PCDHA7: variants seen among roughly 807,000 people sequenced by gnomAD.
PCDHA7 encodes the protein protocadherin alpha-7.
In PCDHA7, 37 loss-of-function variants were observed where a neutral mutation model predicts 57.2. The observed-to-expected ratio is 0.65, with a 90% CI of 0.50 to 0.85. PCDHA7 has a LOEUF of 0.85. PCDHA7 is among the 40% of genes least tolerant of loss of function. PCDHA7 has a pLI of 0.00. For missense variants in PCDHA7, 1,188 were observed against 1,241.8 expected, an observed-to-expected ratio of 0.96 and a Z score of 0.65; for synonymous variants, 553 against 558.8, an observed-to-expected ratio of 0.99 and a Z score of 0.15.
At chr5:140,848,341 T>C (rs1175376105) in intron 1 of PCDHA7, 6 of 896,220 alleles carry the variant, frequency 6.7e-6, no homozygotes, top group Non-Finnish European at 1.0e-5. Context: ...TCCAGACAAA[T>C]ACAGCCCTTT....
chr5:140,917,710 G>T (rs2078316558), intron 1 of PCDHA7, among the ~76,000 whole-genome samples: 3 of 152,132 alleles, frequency 2.0e-5, no homozygotes. Flanking sequence ...TTGTAGGTGT[G>T]CAGCTTTATT....
In PCDHA7 at chr5:140,883,112, A is replaced by G. The variant is rs141106500; in HGVS notation, c.2355+46374A>G. 408 of 1,614,156 alleles carry G rather than the reference A, an allele frequency of 2.5e-4. 3 individuals are homozygous for G. In the African/African-American group the frequency reaches 5.1e-3, roughly 20 times the overall value. ...AAATGGAGATATAGTTTACTCATTTAGAAGGCCTGTATGGCCTGCAGTGGT... is the reference window on the plus strand; with the variant it reads ...AAATGGAGATATAGTTTACTCATTTGGAAGGCCTGTATGGCCTGCAGTGGT... On this transcript the variant is annotated intron_variant, in intron 1 of 3. Coordinates refer to ENST00000525929, the MANE Select transcript of PCDHA7 (RefSeq NM_018910.3).
rs372608018 is a variant in PCDHA7, at chr5:140,875,736, T to C, written c.2355+38998T>C. The C allele has an allele frequency of 2.5e-6, 4 of 1,614,088 alleles. No homozygotes were observed. The African/African-American group carries it at 4.0e-5, about 16-fold the overall frequency. ...AGAATGGCATTTTGTTTGTGAATTCTCGGATCGACCGCGAGAAGCTGTGCG... is the reference window on the plus strand; with the variant it reads ...AGAATGGCATTTTGTTTGTGAATTCCCGGATCGACCGCGAGAAGCTGTGCG... On this transcript the variant is annotated intron_variant, in intron 1 of 3. Transcript: ENST00000525929.
At chr5:140,881,333 G>A (rs1554171980) in intron 1 of PCDHA7, 1 of 984,778 alleles carries the variant, frequency 1.0e-6, no homozygotes, top group Admixed American at 6.1e-5. Context: ...TAACCAGGAC[G>A]CCGATTCGGG....
intron 1 of PCDHA7, chr5:140,862,573 G>A (rs1252034022): frequency 4.1e-6 from 2 of 484,618 alleles, no homozygotes; most frequent in East Asian, 1.1e-4. Context: ...CAATGCCCTG[G>A]CGTTCCAGCA....
intron 1 of PCDHA7, among the ~76,000 whole-genome samples, chr5:140,887,368 T>C (rs2061428699): frequency 6.6e-6 from 1 of 152,174 alleles, no homozygotes; most frequent in Non-Finnish European, 1.5e-5. Context: ...AGTGCTGGGA[T>C]TACAGGTGTG....
chr5:140,857,831 G>A (rs1554150713), intron 1 of PCDHA7: 1 of 1,597,806 alleles, frequency 6.3e-7, no homozygotes, highest in Non-Finnish European at 8.6e-7. Flanking sequence ...TAAGGTGCGC[G>A]CAGTGGACGC....
chr5:140,850,250 G>T (rs2150475592), intron 1 of PCDHA7: 2 of 1,594,024 alleles, frequency 1.3e-6, no homozygotes, highest in South Asian at 2.2e-5. Flanking sequence ...TGCGGTCGGT[G>T]GGCGCCGGCG....
chr5:140,914,771 ACTTAT>A (rs1394572780), intron 1 of PCDHA7, among the ~76,000 whole-genome samples: 1 of 151,760 alleles, frequency 6.6e-6, no homozygotes, highest in Non-Finnish European at 1.5e-5. Context: ...GAGGTTTATG[ACTTAT>A]CTTATGACCC....
chr5:140,835,917 G>T lies in PCDHA7; in HGVS notation c.1534G>T (p.Ala512Ser). ...RALSSYVSVH[A>S]ESGKVYALQP... ...GCTGTCGAGCTACGTGTCAGTGCAC[G>T]CGGAGAGCGGCAAGGTGTACGCGCT... Residue 512 changes from alanine to serine, a missense_variant, in exon 1 of 4, where the codon GCG becomes TCG. Ala to Ser is a moderately conservative substitution (Grantham distance 99). Around this residue, in one of 3 missense-constraint regions of PCDHA7, gnomAD observed 892 missense variants for 788.5 expected, o/e 1.13. Coordinates refer to ENST00000525929, the MANE Select transcript of PCDHA7 (RefSeq NM_018910.3). The T allele has an allele frequency of 6.2e-7, 1 of 1,612,332 alleles. No homozygotes were observed. Among genetic ancestry groups the T allele is most frequent in the Non-Finnish European group, 8.5e-7 (1 of 1,179,664 alleles).
intron 1 of PCDHA7, among the ~76,000 whole-genome samples, chr5:140,951,086 T>A (rs2094547457): frequency 6.6e-6 from 1 of 152,066 alleles, no homozygotes; most frequent in Admixed American, 6.5e-5. Context: ...ATTTTCCTTT[T>A]TTTCTGATAA....
chr5:140,927,027 G>A (rs1554203924), intron 1 of PCDHA7: 3 of 1,612,328 alleles, frequency 1.9e-6, no homozygotes, highest in Non-Finnish European at 1.7e-6. Context: ...ACTTGAGGCT[G>A]CCAGCGGCCG....
intron 1 of PCDHA7, among the ~76,000 whole-genome samples, chr5:140,903,228 C>T (rs1417505177): frequency 1.3e-5 from 2 of 152,112 alleles, no homozygotes; most frequent in Non-Finnish European, 2.9e-5. Flanking sequence ...ACATCTATTA[C>T]TTTTTGATTT....
At chr5:140,927,399 TC>T (rs781939330) in intron 1 of PCDHA7, 1 of 1,614,076 alleles carries the variant, frequency 6.2e-7, no homozygotes. Context: ...GTCAGCACTT[TC>T]GCCTGGACAT....
At chr5:140,867,729 A>C (rs1274161997) in intron 1 of PCDHA7, 1 of 152,106 alleles carries the variant, frequency 6.6e-6, no homozygotes, top group Non-Finnish European at 1.5e-5. Context: ...AAAGACAAAG[A>C]AAATTCAAGC....
chr5:140,835,317 G>A lies in PCDHA7; in HGVS notation c.934G>A (p.Glu312Lys). ...AGTGATAGGACATATGGATTTTGAAGAAAGTAGAGCACACAAGATCCCAGT... is the reference window on the plus strand; with the variant it reads ...AGTGATAGGACATATGGATTTTGAAAAAAGTAGAGCACACAAGATCCCAGT... ...ITVIGHMDFEESRAHKIPVEA... is the reference protein window; with the variant it reads ...ITVIGHMDFEKSRAHKIPVEA... The change falls in exon 1 of 4, where the codon GAA becomes AAA. Residue 312 changes from glutamate (E) to lysine (K), a missense_variant. By Grantham distance (56) the Glu-to-Lys change is moderately conservative (BLOSUM62 1). This residue lies in a region of PCDHA7 where 102 missense variants were observed against 267.4 expected (regional missense o/e 0.38). Coordinates refer to ENST00000525929, the MANE Select transcript of PCDHA7 (RefSeq NM_018910.3). 6 of 1,613,394 alleles carry A rather than the reference G, an allele frequency of 3.7e-6. No individual in the cohort carries two copies. Among genetic ancestry groups the A allele is most frequent in the Non-Finnish European group, 4.2e-6 (5 of 1,179,716 alleles).
In PCDHA7 at chr5:140,843,290, C is replaced by A. The variant is rs2150356540; in HGVS notation, c.2355+6552C>A. On this transcript the variant is annotated intron_variant, in intron 1 of 3. Transcript: ENST00000525929. Reference sequence around the variant, plus strand: ...GGTCCTGGTGAAGGATCATGGTGAACCTGCGCTGACCGCCACGGCCACGGT... The same window carrying A: ...GGTCCTGGTGAAGGATCATGGTGAAACTGCGCTGACCGCCACGGCCACGGT... The A allele has an allele frequency of 1.2e-4, 199 of 1,595,966 alleles. 7 individuals carry two copies. The East Asian group carries it at 4.2e-3, about 34-fold the overall frequency.
At chr5:140,848,624 C>T in intron 1 of PCDHA7, 2 of 1,593,432 alleles carry the variant, frequency 1.3e-6, no homozygotes, top group South Asian at 2.2e-5. Context: ...AACACGGCAC[C>T]TTCGTGGGCC....
chr5:140,980,522 A>G (rs1341350940), intron 2 of PCDHA7, among the ~76,000 whole-genome samples: 2 of 152,074 alleles, frequency 1.3e-5, no homozygotes, highest in Non-Finnish European at 2.9e-5. Flanking sequence ...TCCAGCTACT[A>G]GGGAGGCTGA....
Sources: gnomAD v4.1 joint callset for allele counts (sites outside exome capture counted in the v4.1 genomes callset) on GRCh38, gnomAD v4.1.1 for gene constraint, gnomAD v4.1.1 regional missense constraint, MANE v1.5 for transcripts, NCBI Gene and HGNC (gene_info 2026-07-23, HGNC 2026-07-21) for gene names.